DNAJC3: variants seen among roughly 807,000 people sequenced by gnomAD.
DNAJC3 encodes the protein DnaJ heat shock protein family (Hsp40) member C3.
In DNAJC3, 38 loss-of-function variants were observed where a neutral mutation model predicts 68.6. The ratio of observed to expected loss-of-function variants is 0.55; its 90% CI spans 0.43 to 0.73. The LOEUF (loss-of-function observed/expected upper bound fraction) is 0.73, where lower values mean the gene tolerates loss of function less well. Among genes scored for constraint, DNAJC3 ranks in the 30% least tolerant of loss-of-function variants. DNAJC3 has a pLI of 0.00. For missense variants in DNAJC3, 526 were observed against 591.9 expected (o/e 0.89, Z 1.16); for synonymous variants, 203 against 204.0 (o/e 1.00, Z 0.04).
At position 95,793,687 on chromosome 13, in the gene DNAJC3, C is replaced by A. The variant is rs561175776; in HGVS notation, c.*2657C>A. The A allele has an allele frequency of 1.3e-5, 2 of 152,538 alleles. No homozygotes were observed. The highest frequency in any genetic ancestry group is 1.3e-4 in the Admixed American group (2 of 15,262). 9.4% of individuals were successfully genotyped at this position (152,538 alleles called of 1,614,324 possible). Reference sequence around the variant, plus strand: ...CTGTGTTAGCCAGGATGGTCTTGATCTCCTGACCTTGTGATCTGCCCGCCT... The same window carrying A: ...CTGTGTTAGCCAGGATGGTCTTGATATCCTGACCTTGTGATCTGCCCGCCT... On this transcript the variant is annotated 3_prime_UTR_variant, in exon 12 of 12. Coordinates refer to ENST00000602402, the MANE Select transcript of DNAJC3 (RefSeq NM_006260.5).
At chr13:95,688,966 G>A (rs1031937277) in intron 1 of DNAJC3, among the ~76,000 whole-genome samples, 2 of 135,808 alleles carry the variant, frequency 1.5e-5, no homozygotes, top group South Asian at 2.2e-4. Flanking sequence ...GTGTGTGTGT[G>A]CGCGCTGTTG....
intron 1 of DNAJC3, among the ~76,000 whole-genome samples, chr13:95,679,657 A>G (rs1879861972): frequency 6.6e-6 from 1 of 152,172 alleles, no homozygotes; most frequent in Non-Finnish European, 1.5e-5. Context: ...TTTTTGTTAA[A>G]TAGGTAGGTT....
intron 7 of DNAJC3, among the ~76,000 whole-genome samples, chr13:95,763,182 A>T (rs959926150): frequency 6.6e-6 from 1 of 152,234 alleles, no homozygotes; most frequent in African/African-American, 2.4e-5. Context: ...ACTACGTTGT[A>T]CTTTGTTGTA....
intron 1 of DNAJC3, among the ~76,000 whole-genome samples, chr13:95,702,290 G>A (rs1210187548): frequency 6.6e-6 from 1 of 151,772 alleles, no homozygotes; most frequent in Non-Finnish European, 1.5e-5. Context: ...CCATTATTTT[G>A]ATTTTCTTCT....
rs191078982 is a variant in DNAJC3 at position 95,741,414 on chromosome 13, G to A, written c.393+16162G>A. Among the ~76,000 whole-genome samples the A allele has an allele frequency of 1.5e-3, 231 of 152,330 alleles. 1 individual carries two copies. The highest frequency in any genetic ancestry group is 2.8e-3 in the Non-Finnish European group (188 of 68,026). ...CTGTTTTGTAGTTTTGCTGGGGATG[G>A]GGATGTCAGATAAGCCAGTTCTTGG... On this transcript the variant is annotated intron_variant, in intron 4 of 11. Transcript: ENST00000602402.
intron 9 of DNAJC3, among the ~76,000 whole-genome samples, chr13:95,780,316 C>G (rs552387681): frequency 6.6e-6 from 1 of 152,258 alleles, no homozygotes; most frequent in South Asian, 2.1e-4. Flanking sequence ...TTCACTGTTC[C>G]CTCTCACTGT....
chr13:95,731,256 T>C (rs1218450161), intron 4 of DNAJC3, among the ~76,000 whole-genome samples: 1 of 152,214 alleles, frequency 6.6e-6, no homozygotes, highest in African/African-American at 2.4e-5. Context: ...ACAATTTGAC[T>C]TCATGTTTTT....
At chr13:95,754,676 A>G (rs978868148) in intron 4 of DNAJC3, among the ~76,000 whole-genome samples, 7 of 152,184 alleles carry the variant, frequency 4.6e-5, no homozygotes, top group Admixed American at 3.3e-4. Flanking sequence ...TACTGAAAAC[A>G]GAAAAAATTA....
intron 4 of DNAJC3, among the ~76,000 whole-genome samples, chr13:95,734,531 T>A (rs971906046): frequency 2.0e-5 from 3 of 152,224 alleles, no homozygotes; most frequent in African/African-American, 7.2e-5. Context: ...TTTTGGGTTA[T>A]CTGAGCTTTC....
chr13:95,740,393 G>T (rs1201443250), intron 4 of DNAJC3, among the ~76,000 whole-genome samples: 3 of 152,218 alleles, frequency 2.0e-5, no homozygotes, highest in Non-Finnish European at 2.9e-5. Context: ...GGCAATGGCG[G>T]GCGCCCCTCC....
intron 9 of DNAJC3, among the ~76,000 whole-genome samples, chr13:95,767,104 A>G (rs956691314): frequency 2.6e-5 from 4 of 152,140 alleles, no homozygotes; most frequent in Admixed American, 1.3e-4. Context: ...ATATGCTCAC[A>G]TTGCTGTGAA....
At chr13:95,717,021 G>A (rs1881174316) in intron 2 of DNAJC3, among the ~76,000 whole-genome samples, 1 of 152,134 alleles carries the variant, frequency 6.6e-6, no homozygotes. Flanking sequence ...GCAGTAGGTG[G>A]TGATGGGGTG....
chr13:95,710,233 C>CTTTTTTTTTTTTT (rs66976007), intron 2 of DNAJC3, among the ~76,000 whole-genome samples: 1 of 130,986 alleles, frequency 7.6e-6, no homozygotes. Context: ...CTTTTCTTTT[C>CTTTTTTTTTTTTT]TTTTTTTTTT....
At chr13:95,749,401 C>G (rs1370704169) in intron 4 of DNAJC3, among the ~76,000 whole-genome samples, 2 of 152,096 alleles carry the variant, frequency 1.3e-5, no homozygotes, top group Non-Finnish European at 2.9e-5. Flanking sequence ...TTCTTATCAG[C>G]TTGCTGAGAT....
chr13:95,682,253 C>G (rs1879933763), intron 1 of DNAJC3, among the ~76,000 whole-genome samples: 1 of 152,098 alleles, frequency 6.6e-6, no homozygotes, highest in Admixed American at 6.6e-5. Flanking sequence ...TTGGCTTAGC[C>G]TTCTGTTCTT....
chr13:95,756,991 G>C (rs1882682123), intron 4 of DNAJC3, among the ~76,000 whole-genome samples: 1 of 152,028 alleles, frequency 6.6e-6, no homozygotes, highest in Non-Finnish European at 1.5e-5. Context: ...TCATAGAATT[G>C]TACATTTGAA....
chr13:95,787,508 C>T (rs928980282), intron 11 of DNAJC3, among the ~76,000 whole-genome samples: 2 of 152,150 alleles, frequency 1.3e-5, no homozygotes, highest in Non-Finnish European at 2.9e-5. Context: ...ATTTTCTCCA[C>T]CAAGCTTACA....
chr13:95,685,584 G>C (rs1880053038), intron 1 of DNAJC3, among the ~76,000 whole-genome samples: 1 of 152,112 alleles, frequency 6.6e-6, no homozygotes, highest in African/African-American at 2.4e-5. Context: ...TGATATTTTG[G>C]AGGAGCTGGG....
At chr13:95,691,006 C>T (rs1291873081) in intron 1 of DNAJC3, among the ~76,000 whole-genome samples, 1 of 139,362 alleles carries the variant, frequency 7.2e-6, no homozygotes, top group African/African-American at 2.8e-5. Context: ...GGTGGCTGGC[C>T]GGGCGGGGGG....
Sources: allele counts gnomAD v4.1 joint callset (sites outside exome capture counted in the v4.1 genomes callset), GRCh38; gene constraint gnomAD v4.1.1; transcripts MANE v1.5; gene names NCBI Gene and HGNC (gene_info 2026-07-23, HGNC 2026-07-21).